The following TTC1 variants were observed in gnomAD, a reference collection of about 807,000 sequenced individuals.
TTC1 encodes the protein tetratricopeptide repeat domain 1.
A neutral mutation model predicts 37.6 loss-of-function variants in TTC1; 31 were observed. The observed-to-expected ratio is 0.82, with a 90% CI of 0.62 to 1.11. The LOEUF is 1.11. Ranked by LOEUF, TTC1 falls within the 50% of genes most tolerant of loss-of-function variation. TTC1 has a pLI of 0.00. For synonymous variants in TTC1, 127 were observed against 122.4 expected (o/e 1.04, Z -0.25); for missense variants, 351 against 339.0 (o/e 1.04, Z -0.28).
intron 4 of TTC1, 36 bp downstream of exon 4, chr5:160,036,839 A>G (rs746841228): frequency 4.1e-6 from 6 of 1,453,170 alleles, no homozygotes; most frequent in East Asian, 4.6e-5. Flanking sequence ...TAAAAAGCAC[A>G]TGGACTTGCA....
intron 6 of TTC1, among the ~76,000 whole-genome samples, chr5:160,050,776 C>T (rs1757381446): frequency 6.6e-6 from 1 of 151,872 alleles, no homozygotes; most frequent in Non-Finnish European, 1.5e-5. Flanking sequence ...CAGACACATG[C>T]CAACACACCC....
At chr5:160,009,258 G>C (rs1756448203) in intron 1 of TTC1, 65 bp downstream of exon 1, 1 of 152,248 alleles carries the variant, frequency 6.6e-6, no homozygotes, top group Non-Finnish European at 1.5e-5. Flanking sequence ...TAATCTGCTG[G>C]GAAGCGCGAG....
At chr5:160,020,302 A>G (rs149985037) in intron 2 of TTC1, among the ~76,000 whole-genome samples, 2 of 152,294 alleles carry the variant, frequency 1.3e-5, no homozygotes, top group East Asian at 1.9e-4. Flanking sequence ...ATCAAATCCT[A>G]GAAGGAGCTT....
At chr5:160,060,872 A>G (rs530582682) in intron 7 of TTC1, among the ~76,000 whole-genome samples, 1 of 152,356 alleles carries the variant, frequency 6.6e-6, no homozygotes, top group East Asian at 1.9e-4. Flanking sequence ...CTCTGGCTTC[A>G]GAGCCCATCT....
At chr5:160,013,481 A>G (rs1470100932) in intron 2 of TTC1, among the ~76,000 whole-genome samples, 1 of 152,084 alleles carries the variant, frequency 6.6e-6, no homozygotes, top group Non-Finnish European at 1.5e-5. Context: ...GTGGTGGCTC[A>G]TGCCTGTAAT....
At chr5:160,010,199 A>G (rs991948201) in intron 1 of TTC1, among the ~76,000 whole-genome samples, 1 of 146,176 alleles carries the variant, frequency 6.8e-6, no homozygotes, top group African/African-American at 2.5e-5. Flanking sequence ...CAGAGGTTGC[A>G]GTGAGCCGAG....
rs767815008 is a variant in TTC1, at chr5:160,036,770, A to G, written c.471A>G (p.Leu157=). The G allele has an allele frequency of 1.4e-5, 22 of 1,613,722 alleles. No individual in the cohort carries two copies. The highest frequency in any genetic ancestry group is 3.3e-5 in the South Asian group (3 of 91,080). ...PSCFQKERSI[L]FSNRAAARMK... ...GCTTCCAAAAGGAGAGGTCGATTCT[A>G]TTTTCAAATAGAGCTGCAGCAAGGA... Residue 157 remains leucine, a synonymous_variant, in exon 4 of 8, where the codon CTA becomes CTG. Coordinates refer to ENST00000231238, the MANE Select transcript of TTC1 (RefSeq NM_003314.3).
At chr5:160,055,273 C>G (rs1757514106) in intron 7 of TTC1, among the ~76,000 whole-genome samples, 1 of 152,258 alleles carries the variant, frequency 6.6e-6, no homozygotes, top group African/African-American at 2.4e-5. Context: ...TTTGGTTCTT[C>G]CTTGATCTGT....
intron 2 of TTC1, among the ~76,000 whole-genome samples, chr5:160,019,804 C>T (rs1756673973): frequency 6.6e-6 from 1 of 151,546 alleles, no homozygotes; most frequent in Non-Finnish European, 1.5e-5. Flanking sequence ...AGGCTGGTCT[C>T]GAACTCACAT....
intron 5 of TTC1, among the ~76,000 whole-genome samples, chr5:160,044,976 T>C (rs946871697): frequency 5.9e-5 from 9 of 152,198 alleles, no homozygotes; most frequent in Non-Finnish European, 1.0e-4. Context: ...TATTATAATA[T>C]AGAAGACCAC....
chr5:160,033,206 A>G (rs1756943444), intron 2 of TTC1, among the ~76,000 whole-genome samples: 1 of 152,178 alleles, frequency 6.6e-6, no homozygotes, highest in Non-Finnish European at 1.5e-5. Context: ...TATGGGTAGT[A>G]CTAGGTAAAT....
chr5:160,012,955 C>T (rs75749943), intron 2 of TTC1, among the ~76,000 whole-genome samples: 11,877 of 152,164 alleles, frequency 0.078, 678 homozygotes, highest in Admixed American at 0.18. Flanking sequence ...GATTCCTGTC[C>T]CATAGGTGGT....
At chr5:160,032,695 C>A (rs546714037) in intron 2 of TTC1, among the ~76,000 whole-genome samples, 1 of 140,284 alleles carries the variant, frequency 7.1e-6, no homozygotes, top group East Asian at 2.1e-4. Context: ...TGAGTTCTAC[C>A]TGCTTTCTTT....
intron 2 of TTC1, among the ~76,000 whole-genome samples, chr5:160,021,101 G>T (rs1756696632): frequency 8.2e-6 from 1 of 122,434 alleles, no homozygotes; most frequent in Non-Finnish European, 1.8e-5. Context: ...GTGTAGATCA[G>T]TGGTTTCCAG....
Position 160,063,945 on chromosome 5 carries a change from A to G in TTC1, c.746-987A>G, listed in dbSNP as rs541509525. ...GCATGAGTCACCATGCTTGGCAAGA[A>G]CCGCTGGCTATAGACCATGACTTTT... On this transcript the variant is annotated intron_variant, in intron 7 of 7. Coordinates refer to ENST00000231238, the MANE Select transcript of TTC1 (RefSeq NM_003314.3). Among the ~76,000 whole-genome samples, 14 of 148,962 alleles carry G rather than the reference A, an allele frequency of 9.4e-5. 2 individuals are homozygous for G. The South Asian group carries it at 3.0e-3, about 32-fold the overall frequency.
At chr5:160,025,235 C>T (rs1756781077) in intron 2 of TTC1, among the ~76,000 whole-genome samples, 5 of 152,166 alleles carry the variant, frequency 3.3e-5, no homozygotes, top group African/African-American at 9.7e-5. Flanking sequence ...ACCATGTTGG[C>T]CAGGCTGGTC....
intron 4 of TTC1, among the ~76,000 whole-genome samples, chr5:160,037,282 G>A (rs1200984450): frequency 1.3e-5 from 2 of 152,168 alleles, no homozygotes; most frequent in Non-Finnish European, 2.9e-5. Context: ...GGGATAAAAG[G>A]TACCCTTAAA....
intron 2 of TTC1, among the ~76,000 whole-genome samples, chr5:160,025,086 G>A (rs1756778232): frequency 1.3e-5 from 2 of 152,206 alleles, no homozygotes; most frequent in Non-Finnish European, 2.9e-5. Flanking sequence ...GAAGTGCAGT[G>A]GTGCAATCTC....
At position 160,043,128 on chromosome 5, in the gene TTC1, T is replaced by C. The variant is rs1416065810; in HGVS notation, c.505-5T>C. ...AACACATATTAATACTGTTTTTCTT[T>C]TTAGGACAAGAAAGAAATGGCCATC... is the stretch of plus-strand genomic sequence containing the variant. On this transcript the variant is annotated splice_polypyrimidine_tract_variant and splice_region_variant and intron_variant, in intron 4 of 7. Coordinates refer to ENST00000231238, the MANE Select transcript of TTC1 (RefSeq NM_003314.3). 6.2e-7 allele frequency: 1 copy of C among 1,613,414 alleles called. No individual in the cohort carries two copies. Among genetic ancestry groups the C allele is most frequent in the East Asian group, 2.2e-5 (1 of 44,866 alleles).
Sources: allele counts gnomAD v4.1 joint callset (sites outside exome capture counted in the v4.1 genomes callset), GRCh38; gene constraint gnomAD v4.1.1; transcripts MANE v1.5; gene names NCBI Gene and HGNC (gene_info 2026-07-23, HGNC 2026-07-21).